Variants in CTNNA3 observed in about 807,000 individuals in gnomAD.
CTNNA3 encodes catenin alpha 3.
A neutral mutation model predicts 95.7 loss-of-function variants in CTNNA3; 76 were observed. The ratio of observed to expected loss-of-function variants is 0.79; its 90% confidence interval spans 0.66 to 0.96. The LOEUF is 0.96. CTNNA3 is among the 40% of genes least tolerant of loss of function. The probability of loss-of-function intolerance (pLI) is 0.00; values close to 1 mark genes in which losing one functional copy is unlikely to be tolerated. For missense variants in CTNNA3, 1,191 were observed against 1,089.8 expected, an observed-to-expected ratio of 1.09 and a Z score of -1.31; for synonymous variants, 431 against 374.4, an observed-to-expected ratio of 1.15 and a Z score of -1.74.
intron 7 of CTNNA3, among the ~76,000 whole-genome samples, chr10:66,993,716 A>C (rs1445250569): frequency 6.6e-6 from 1 of 151,830 alleles, no homozygotes; most frequent in African/African-American, 2.4e-5. Flanking sequence ...AAAACAGATA[A>C]AACCTCCATC....
At chr10:66,837,911 C>G (rs994337571) in intron 7 of CTNNA3, among the ~76,000 whole-genome samples, 1 of 152,056 alleles carries the variant, frequency 6.6e-6, no homozygotes, top group Non-Finnish European at 1.5e-5. Context: ...ATGTCTCTGT[C>G]TACAGATTCT....
intron 5 of CTNNA3, among the ~76,000 whole-genome samples, chr10:67,261,602 A>G (rs1020742634): frequency 6.6e-6 from 1 of 152,188 alleles, no homozygotes; most frequent in Non-Finnish European, 1.5e-5. Context: ...GCGTAACATC[A>G]CCAGATTTAT....
At chr10:66,926,306 A>T in intron 7 of CTNNA3, 1 of 503,226 alleles carries the variant, frequency 2.0e-6, no homozygotes, top group Non-Finnish European at 3.6e-6. Context: ...AAAACTGTAA[A>T]GATGCAAAAA....
chr10:66,499,324 C>G (rs1422464602), intron 11 of CTNNA3, among the ~76,000 whole-genome samples: 1 of 152,032 alleles, frequency 6.6e-6, no homozygotes, highest in Non-Finnish European at 1.5e-5. Context: ...AGCTTTTGTT[C>G]ATTATTTGAT....
chr10:66,965,354 G>A (rs1376802222), intron 7 of CTNNA3, among the ~76,000 whole-genome samples: 2 of 151,968 alleles, frequency 1.3e-5, no homozygotes, highest in African/African-American at 4.8e-5. Context: ...GGCCAACATG[G>A]TGAAACCCTG....
intron 13 of CTNNA3, among the ~76,000 whole-genome samples, chr10:66,229,098 C>A (rs1285674414): frequency 6.6e-6 from 1 of 152,092 alleles, no homozygotes; most frequent in East Asian, 1.9e-4. Context: ...GCCCAGTCAG[C>A]AAAACTTTTA....
intron 5 of CTNNA3, among the ~76,000 whole-genome samples, chr10:67,470,140 A>G (rs1289964391): frequency 1.3e-5 from 2 of 152,000 alleles, no homozygotes; most frequent in African/African-American, 2.4e-5. Context: ...CTTGCTCTCT[A>G]TCTTCATGAG....
rs79318715 is a variant in CTNNA3 at position 66,103,798 on chromosome 10, T to C, written c.1885-549A>G. On this transcript the variant is annotated intron_variant, in intron 13 of 17. Coordinates refer to ENST00000433211, the MANE Select transcript of CTNNA3 (RefSeq NM_013266.4). ...ATGATAACAATGTTCTGCAGTTAGATAGTAGGAATGATCACAAACCCTTCT... is the reference window on the plus strand; with the variant it reads ...ATGATAACAATGTTCTGCAGTTAGACAGTAGGAATGATCACAAACCCTTCT... Among the ~76,000 whole-genome samples, 1,027 of 152,264 alleles carry C rather than the reference T, an allele frequency of 6.7e-3. 11 individuals carry two copies. Among genetic ancestry groups the C allele is most frequent in the African/African-American group, 0.023 (959 of 41,550 alleles).
At chr10:66,178,399 GTATATATATATATATATATATATATA>G (rs71035113) in intron 13 of CTNNA3, among the ~76,000 whole-genome samples, 38 of 91,164 alleles carry the variant, frequency 4.2e-4, no homozygotes, top group South Asian at 1.6e-3. Flanking sequence ...CCTTGAAAGT[GTATATATATATATATATATATATATA>G]TATATATATA....
intron 7 of CTNNA3, among the ~76,000 whole-genome samples, chr10:67,164,945 T>C (rs867508703): frequency 6.6e-6 from 1 of 152,156 alleles, no homozygotes; most frequent in Non-Finnish European, 1.5e-5. Context: ...CTCTGGAAAA[T>C]AGTTTGGCAG....
intron 12 of CTNNA3, among the ~76,000 whole-genome samples, chr10:66,297,088 A>G (rs1382394582): frequency 1.3e-5 from 2 of 152,232 alleles, no homozygotes; most frequent in East Asian, 3.8e-4. Flanking sequence ...TTAATGAAAT[A>G]TAATGTGTGA....
chr10:67,563,008 G>A lies in CTNNA3; in HGVS notation c.293-23339C>T, dbSNP rs1370898520. On this transcript the variant is annotated intron_variant, in intron 3 of 17. Coordinates refer to ENST00000433211, the MANE Select transcript of CTNNA3 (RefSeq NM_013266.4). ...TAAAAGAGGATACAAACAAATGGAA[G>A]AACATTCCATGCTCATGGGTAGGAA... Among the ~76,000 whole-genome samples the A allele has an allele frequency of 1.9e-4, 29 of 152,074 alleles. No homozygotes were observed. The East Asian group carries it at 5.4e-3, about 28-fold the overall frequency.
chr10:67,615,972 G>A (rs983238956), intron 2 of CTNNA3, among the ~76,000 whole-genome samples: 1 of 152,054 alleles, frequency 6.6e-6, no homozygotes, highest in Admixed American at 6.6e-5. Context: ...CCAATAGTAG[G>A]TATTGACAGA....
At chr10:67,751,160 C>T in intron 1 of CTNNA3, 1 of 1,292,438 alleles carries the variant, frequency 7.7e-7, no homozygotes, top group Non-Finnish European at 1.1e-6. Context: ...TCAGCTTCAA[C>T]AGAAACTGGA....
intron 6 of CTNNA3, among the ~76,000 whole-genome samples, chr10:67,212,873 C>A (rs1237415546): frequency 6.6e-6 from 1 of 151,794 alleles, no homozygotes; most frequent in African/African-American, 2.4e-5. Context: ...CATCTAATTT[C>A]ATAAATTAGA....
Position 65,948,323 on chromosome 10 carries a change from C to T in CTNNA3, c.2400+18289G>A, listed in dbSNP as rs141422245. Among the ~76,000 whole-genome samples, 209 of 150,876 alleles carry T rather than the reference C, an allele frequency of 1.4e-3. 1 individual carries two copies. The highest frequency in any genetic ancestry group is 4.8e-3 in the African/African-American group (198 of 41,060). Reference sequence around the variant, plus strand: ...AAGAAAGAAAGAAATACCACGTAAGCGCATGCATGCACACCCCCCCCAACA... The same window carrying T: ...AAGAAAGAAAGAAATACCACGTAAGTGCATGCATGCACACCCCCCCCAACA... On this transcript the variant is annotated intron_variant, in intron 17 of 17. Coordinates refer to ENST00000433211, the MANE Select transcript of CTNNA3 (RefSeq NM_013266.4).
intron 12 of CTNNA3, among the ~76,000 whole-genome samples, chr10:66,282,891 A>G (rs2091518958): frequency 6.6e-6 from 1 of 151,876 alleles, no homozygotes; most frequent in African/African-American, 2.4e-5. Context: ...GAATTAAGTG[A>G]TTAAATGAAT....
At chr10:67,246,113 C>T (rs1349865423) in intron 5 of CTNNA3, among the ~76,000 whole-genome samples, 1 of 152,134 alleles carries the variant, frequency 6.6e-6, no homozygotes, top group African/African-American at 2.4e-5. Context: ...CGTATGACTG[C>T]CAATTAGATG....
intron 13 of CTNNA3, among the ~76,000 whole-genome samples, chr10:66,189,256 A>G (rs976253955): frequency 2.1e-5 from 3 of 140,906 alleles, no homozygotes; most frequent in African/African-American, 8.2e-5. Flanking sequence ...TCTTGCCTAC[A>G]CTTTTGGAGT....
Sources: allele counts gnomAD v4.1 joint callset (sites outside exome capture counted in the v4.1 genomes callset), GRCh38; gene constraint gnomAD v4.1.1; transcripts MANE v1.5; gene names NCBI Gene and HGNC (gene_info 2026-07-23, HGNC 2026-07-21).